KAZN: variants seen among roughly 807,000 people sequenced by gnomAD.
KAZN encodes kazrin.
A neutral mutation model predicts 87.4 loss-of-function variants in KAZN; 40 were observed. That is an observed-to-expected ratio of 0.46 (90% CI 0.36 to 0.60). KAZN has a LOEUF of 0.60. Ranked by LOEUF, KAZN falls within the 20% of genes least tolerant of loss-of-function variation. The probability of loss-of-function intolerance (pLI) is 0.00; values close to 1 mark genes in which losing one functional copy is unlikely to be tolerated. For missense variants in KAZN, 898 were observed against 1,073.9 expected, an observed-to-expected ratio of 0.84 and a Z score of 2.29; for synonymous variants, 466 against 458.3, an observed-to-expected ratio of 1.02 and a Z score of -0.22.
chr1:14,240,616 G>A (rs6683875), intron 2 of KAZN, among the ~76,000 whole-genome samples: 145,120 of 152,330 alleles, frequency 0.95, 69,176 homozygotes, highest in East Asian at 1. Flanking sequence ...TGCTGCTTCT[G>A]GGACCTGCTT....
chr1:14,251,601 T>C (rs1300517255), intron 2 of KAZN, among the ~76,000 whole-genome samples: 1 of 148,666 alleles, frequency 6.7e-6, no homozygotes, highest in Non-Finnish European at 1.5e-5. Context: ...GTCACTGGGG[T>C]AGGTCCAGAA....
chr1:14,089,249 T>G (rs1171180845), intron 1 of KAZN, among the ~76,000 whole-genome samples: 1 of 152,096 alleles, frequency 6.6e-6, no homozygotes, highest in East Asian at 1.9e-4. Flanking sequence ...TCTGACAATC[T>G]ATGTCTTTTA....
At chr1:15,010,888 T>C (rs1669513410) in intron 2 of KAZN, among the ~76,000 whole-genome samples, 1 of 152,172 alleles carries the variant, frequency 6.6e-6, no homozygotes, top group Non-Finnish European at 1.5e-5. Context: ...GCTGGGTAAT[T>C]AACATTTCTC....
chr1:14,809,192 C>A (rs538542672), intron 1 of KAZN, among the ~76,000 whole-genome samples: 2 of 152,304 alleles, frequency 1.3e-5, no homozygotes, highest in African/African-American at 4.8e-5. Context: ...GAGCACATTA[C>A]CTCCCAAACA....
intron 2 of KAZN, among the ~76,000 whole-genome samples, chr1:14,275,209 G>T (rs1652253611): frequency 6.6e-6 from 1 of 152,128 alleles, no homozygotes; most frequent in African/African-American, 2.4e-5. Flanking sequence ...CGACTATCCA[G>T]TATTTGGTAT....
intron 1 of KAZN, among the ~76,000 whole-genome samples, chr1:14,717,775 CAAGA>C (rs1642871775): frequency 6.6e-6 from 1 of 152,160 alleles, no homozygotes; most frequent in East Asian, 1.9e-4. Flanking sequence ...AACTGAGGCC[CAAGA>C]GGGCAGTTTG....
intron 1 of KAZN, among the ~76,000 whole-genome samples, chr1:14,698,756 A>G (rs1641760390): frequency 6.6e-6 from 1 of 152,240 alleles, no homozygotes; most frequent in African/African-American, 2.4e-5. Context: ...CAGAACCCTG[A>G]ATGGATTAAA....
chr1:13,941,872 G>A (rs1458427500), intron 1 of KAZN, among the ~76,000 whole-genome samples: 3 of 152,178 alleles, frequency 2.0e-5, no homozygotes, highest in African/African-American at 7.2e-5. Flanking sequence ...GAAATCCAAT[G>A]ATGTTAGTCC....
At chr1:14,593,432 C>T (rs991317009) in intron 2 of KAZN, among the ~76,000 whole-genome samples, 8 of 152,102 alleles carry the variant, frequency 5.3e-5, no homozygotes, top group Admixed American at 1.3e-4. Context: ...GGGGGAGGGA[C>T]GGAGTAGTTT....
chr1:14,428,618 T>A (rs900525164), intron 2 of KAZN, among the ~76,000 whole-genome samples: 3 of 152,182 alleles, frequency 2.0e-5, no homozygotes, highest in African/African-American at 7.2e-5. Flanking sequence ...AGAGGTTTAA[T>A]TGACTCACAG....
intron 2 of KAZN, among the ~76,000 whole-genome samples, chr1:15,014,180 C>G (rs1370224038): frequency 6.6e-6 from 1 of 152,070 alleles, no homozygotes. Flanking sequence ...TACCCAGGTA[C>G]CCCCAGAGCC....
chr1:14,603,314 A>C (rs1016336730), intron 1 of KAZN, among the ~76,000 whole-genome samples: 1 of 152,158 alleles, frequency 6.6e-6, no homozygotes, highest in African/African-American at 2.4e-5. Context: ...GCTTGCCACT[A>C]AGTTACAGAG....
chr1:14,763,786 G>C (rs947859708), intron 1 of KAZN, among the ~76,000 whole-genome samples: 1 of 152,164 alleles, frequency 6.6e-6, no homozygotes, highest in Non-Finnish European at 1.5e-5. Context: ...GTCTTGCTCT[G>C]TTGCCCAGGC....
intron 2 of KAZN, among the ~76,000 whole-genome samples, chr1:14,317,516 C>CT (rs1655736652): frequency 1.3e-5 from 2 of 151,938 alleles, no homozygotes; most frequent in Admixed American, 1.3e-4. Flanking sequence ...GTTTGGATCA[C>CT]TTACATTTGA....
intron 2 of KAZN, among the ~76,000 whole-genome samples, chr1:14,572,196 C>T (rs990921633): frequency 1.3e-5 from 2 of 152,184 alleles, no homozygotes; most frequent in Admixed American, 6.5e-5. Flanking sequence ...TTAAGCATGG[C>T]TCTACAGGTT....
At chr1:14,490,743 G>T (rs1669604463) in intron 2 of KAZN, among the ~76,000 whole-genome samples, 1 of 152,056 alleles carries the variant, frequency 6.6e-6, no homozygotes, top group Admixed American at 6.5e-5. Flanking sequence ...GTGAATTTTA[G>T]TATGAAATGT....
At chr1:14,802,342 C>T (rs562591278) in intron 1 of KAZN, among the ~76,000 whole-genome samples, 4 of 150,378 alleles carry the variant, frequency 2.7e-5, no homozygotes, top group South Asian at 2.1e-4. Context: ...AAGCGGAGGT[C>T]GCAGTGAGCT....
chr1:14,720,562 T>C (rs530725725), intron 1 of KAZN, among the ~76,000 whole-genome samples: 1 of 152,248 alleles, frequency 6.6e-6, no homozygotes, highest in Non-Finnish European at 1.5e-5. Flanking sequence ...CTTCTGTCGC[T>C]GACCTTTCCT....
intron 1 of KAZN, among the ~76,000 whole-genome samples, chr1:14,600,223 T>C (rs1676849610): frequency 6.6e-6 from 1 of 152,196 alleles, no homozygotes; most frequent in East Asian, 1.9e-4. Flanking sequence ...CTCCAGTCCA[T>C]GAGGTCCACT....
Sources: gnomAD v4.1 joint callset for allele counts (sites outside exome capture counted in the v4.1 genomes callset) on GRCh38, gnomAD v4.1.1 for gene constraint, MANE v1.5 for transcripts, NCBI Gene and HGNC (gene_info 2026-07-23, HGNC 2026-07-21) for gene names.